Variants in TLE3 observed in about 807,000 individuals in gnomAD.
The protein encoded by TLE3 is transducin-like enhancer protein 3.
In TLE3, 14 loss-of-function variants were observed where a neutral mutation model predicts 93.0. The ratio of observed to expected loss-of-function variants is 0.15; its 90% CI spans 0.10 to 0.24. The LOEUF (loss-of-function observed/expected upper bound fraction) is 0.24. Among genes scored for constraint, TLE3 ranks in the 10% least tolerant of loss-of-function variants. The pLI is 1.00. For missense variants in TLE3, 693 were observed against 1,046.6 expected (o/e 0.66, Z 4.66); for synonymous variants, 451 against 425.0 (o/e 1.06, Z -0.75).
At chr15:70,057,770 GT>G in intron 12 of TLE3, 112 bp from the exon 13 acceptor site, 1 of 1,363,872 alleles carries the variant, frequency 7.3e-7, no homozygotes, top group South Asian at 1.3e-5. Flanking sequence ...GCTCCAGGCA[GT>G]CCTCTCAGAC....
At chr15:70,052,761 G>C (rs2055662360) in intron 17 of TLE3, 1 of 360,158 alleles carries the variant, frequency 2.8e-6, no homozygotes, top group East Asian at 4.2e-5. Flanking sequence ...AGAAAAAAGT[G>C]AGTTAAAAAA....
chr15:70,060,825 C>T, intron 8 of TLE3, 176 bp from the exon 9 acceptor site: 2 of 1,073,408 alleles, frequency 1.9e-6, no homozygotes, highest in Non-Finnish European at 2.7e-6. Flanking sequence ...GCCTTCCCCA[C>T]TCCCCTGAGA....
Position 70,051,349 on chromosome 15 carries a change from T to C in TLE3, c.2202+42A>G, listed in dbSNP as rs145072311. On this transcript the variant is annotated intron_variant, in intron 19 of 19. Transcript: ENST00000451782. Reference sequence around the variant, plus strand: ...CCCATCACCATCACCAAGTTTCAACTCTGGGTAGAACCCAGAGGAGGACTC... The same window carrying C: ...CCCATCACCATCACCAAGTTTCAACCCTGGGTAGAACCCAGAGGAGGACTC... The C allele has an allele frequency of 9.2e-4, 1,433 of 1,561,418 alleles. 1 individual carries two copies. Among genetic ancestry groups the C allele is most frequent in the Non-Finnish European group, 1.2e-3 (1,385 of 1,151,252 alleles).
intron 8 of TLE3, among the ~76,000 whole-genome samples, chr15:70,062,152 A>C (rs2056520619): frequency 6.6e-6 from 1 of 152,360 alleles, no homozygotes; most frequent in South Asian, 2.1e-4. Context: ...CAGAGTTATC[A>C]AGCCTTGAAG....
At chr15:70,092,318 C>T (rs2058347572) in intron 4 of TLE3, among the ~76,000 whole-genome samples, 1 of 152,222 alleles carries the variant, frequency 6.6e-6, no homozygotes, top group African/African-American at 2.4e-5. Context: ...CCTCTTTGTT[C>T]CTCCACAGCC....
chr15:70,086,840 CT>C (rs1379882461), intron 4 of TLE3, among the ~76,000 whole-genome samples: 3 of 152,130 alleles, frequency 2.0e-5, no homozygotes, highest in Non-Finnish European at 4.4e-5. Context: ...TCATCTCTTC[CT>C]CCCAGTTATC....
chr15:70,078,309 A>G (rs1442715202), intron 4 of TLE3, among the ~76,000 whole-genome samples: 1 of 152,144 alleles, frequency 6.6e-6, no homozygotes, highest in Admixed American at 6.5e-5. Flanking sequence ...GCTGCAGCTC[A>G]CTCCAAACCG....
In TLE3 at chr15:70,057,405, T is replaced by C. The variant is rs8036209; in HGVS notation, c.1251+54A>G. The C allele has an allele frequency of 0.44, 675,348 of 1,524,312 alleles. 152,098 individuals are homozygous for C. The highest frequency in any genetic ancestry group is 0.6 in the Middle Eastern group (3,469 of 5,824). 94.4% of individuals were successfully genotyped at this position (1,524,312 alleles called of 1,614,324 possible). A position where few individuals can be genotyped will look rare whatever the true frequency, so the allele number is the denominator to read the frequency against. ...ATGTGGGGAGCACCCGTCCAACCAC[T>C]GGCTCCCCACACCACGCCCAGTCCC... On this transcript the variant is annotated intron_variant, in intron 13 of 19. Coordinates refer to ENST00000451782, the MANE Select transcript of TLE3 (RefSeq NM_001105192.3).
chr15:70,096,680 A>T, intron 1 of TLE3, 95 bp downstream of exon 1: 2 of 1,565,714 alleles, frequency 1.3e-6, no homozygotes, highest in Non-Finnish European at 1.7e-6. Flanking sequence ...CACACACCAT[A>T]AAGGTAGCAA....
At position 70,055,388 on chromosome 15, in the gene TLE3, G is replaced by A. The variant is rs7162247; in HGVS notation, c.1329-90C>T. ...GGCCCAGGTCATCTGCACTGCCCCC[G>A]ACTGGCTGCCCTGCCTCTAGCCCCC... On this transcript the variant is annotated intron_variant, in intron 14 of 19. Transcript: ENST00000451782. 3.9e-5 allele frequency: 59 copies of A among 1,495,080 alleles called. 2 individuals are homozygous for A. In the South Asian group the frequency reaches 4.9e-4, roughly 12 times the overall value. The allele number at this position is 1,495,080 out of a possible 1,614,324, so 92.6% of individuals were successfully genotyped here. A position where few individuals can be genotyped will look rare whatever the true frequency, so the allele number is the denominator to read the frequency against.
At chr15:70,078,777 G>T (rs1325944957) in intron 4 of TLE3, among the ~76,000 whole-genome samples, 1 of 152,190 alleles carries the variant, frequency 6.6e-6, no homozygotes, top group African/African-American at 2.4e-5. Flanking sequence ...AGGAAGGCAG[G>T]GGCAAGGTCA....
At chr15:70,074,999 G>A (rs913810892) in intron 5 of TLE3, among the ~76,000 whole-genome samples, 3 of 152,300 alleles carry the variant, frequency 2.0e-5, no homozygotes, top group Non-Finnish European at 2.9e-5. Context: ...GATGGTATCC[G>A]TTTTTAGGAG....
intron 4 of TLE3, among the ~76,000 whole-genome samples, chr15:70,088,668 C>G (rs908217327): frequency 2.0e-5 from 3 of 149,962 alleles, no homozygotes; most frequent in Non-Finnish European, 1.5e-5. Context: ...ATGTTGAAAG[C>G]TATTTTGCTG....
At position 70,057,605 on chromosome 15, in the gene TLE3, CGAAGGG is replaced by C. The variant is rs1189413059; in HGVS notation, c.1099_1104del (p.Pro367_Phe368del). On this transcript the variant is annotated inframe_deletion, in exon 13 of 20. Coordinates refer to ENST00000451782, the MANE Select transcript of TLE3 (RefSeq NM_001105192.3). Reference sequence around the variant, plus strand: ...TTCATCTCATGGTGGCTCATCATGGCGAAGGGCGCCGCATAGGAGCTGGTGATGGAG... The same window carrying C: ...TTCATCTCATGGTGGCTCATCATGGCCGCCGCATAGGAGCTGGTGATGGAG... 2 of 1,592,544 alleles carry C rather than the reference CGAAGGG, an allele frequency of 1.3e-6. No individual in the cohort carries two copies. The highest frequency in any genetic ancestry group is 2.7e-5 in the African/African-American group (2 of 74,738).
At chr15:70,095,431 A>G in intron 3 of TLE3, 147 bp downstream of exon 3, 5 of 1,509,210 alleles carry the variant, frequency 3.3e-6, no homozygotes, top group Non-Finnish European at 3.5e-6. Flanking sequence ...GGGGAAGGGG[A>G]GGGCAAGACC....
At chr15:70,079,887 C>T (rs112964929) in intron 4 of TLE3, among the ~76,000 whole-genome samples, 20 of 152,180 alleles carry the variant, frequency 1.3e-4, no homozygotes, top group African/African-American at 4.8e-4. Context: ...AGTGATTTCA[C>T]TAAATGACTT....
Position 70,055,214 on chromosome 15 carries a change from C to T in TLE3, c.1413G>A (p.Pro471=), listed in dbSNP as rs201791846. Residue 471 remains proline, a synonymous_variant, in exon 15 of 20, where the codon CCG becomes CCA. Coordinates refer to ENST00000451782, the MANE Select transcript of TLE3 (RefSeq NM_001105192.3). ...GTGTGTTGATCTGCCGGGCGTGCCT[C>T]GGGATGCCGGGGCCTGCCAGGGCGT... ...PHDALAGPGI[P]RHARQINTLS... 1.1e-3 allele frequency: 1,771 copies of T among 1,613,604 alleles called. 20 individuals carry two copies. The African/African-American group carries it at 0.021, about 19-fold the overall frequency.
intron 2 of TLE3, 193 bp downstream of exon 2, chr15:70,095,968 C>A: frequency 1.3e-6 from 1 of 742,404 alleles, no homozygotes; most frequent in Non-Finnish European, 2.1e-6. Context: ...ACGGGCGGCG[C>A]TGGGAGCCGG....
At chr15:70,066,634 C>G (rs2141658267) in intron 6 of TLE3, 1 of 166,530 alleles carries the variant, frequency 6.0e-6, no homozygotes, top group Non-Finnish European at 1.3e-5. Flanking sequence ...TCAGCATTAG[C>G]TGCCAGCATC....
Sources: gnomAD v4.1 joint callset for allele counts (sites outside exome capture counted in the v4.1 genomes callset) on GRCh38, gnomAD v4.1.1 for gene constraint, MANE v1.5 for transcripts, NCBI Gene and HGNC (gene_info 2026-07-23, HGNC 2026-07-21) for gene names.